Variants in PTPN9 observed in about 807,000 individuals in gnomAD.
The protein encoded by PTPN9 is protein tyrosine phosphatase non-receptor type 9, also known as tyrosine-protein phosphatase non-receptor type 9.
PTPN9 carries 26 observed loss-of-function variants against 69.8 expected under a neutral mutation model. The observed-to-expected ratio is 0.37, with a 90% CI of 0.27 to 0.52. The LOEUF is 0.52. PTPN9 is among the 20% of genes least tolerant of loss of function. The probability of loss-of-function intolerance (pLI) is 0.91; values close to 1 mark genes in which losing one functional copy is unlikely to be tolerated. For synonymous variants in PTPN9, 274 were observed against 272.5 expected (o/e 1.01, Z -0.05); for missense variants, 549 against 740.3 (o/e 0.74, Z 3.00).
In PTPN9 at chr15:75,536,912, G is replaced by A. The variant is rs145052647; in HGVS notation, c.64-9651C>T. ...ATCTATTTTATTCACCTAGTTCCTA[G>A]CACTGTGCCTGGCACAAAGCACTTA... On this transcript the variant is annotated intron_variant, in intron 1 of 12. Transcript: ENST00000618819. Among the ~76,000 whole-genome samples the A allele has an allele frequency of 2.0e-5, 3 of 152,294 alleles. No individual in the cohort carries two copies. The East Asian group carries it at 5.8e-4, about 29-fold the overall frequency.
chr15:75,493,770 A>G (rs1417452103), intron 7 of PTPN9, among the ~76,000 whole-genome samples: 3 of 152,236 alleles, frequency 2.0e-5, no homozygotes, highest in African/African-American at 4.8e-5. Flanking sequence ...CATTAAAAAA[A>G]AAAGAAAGAA....
chr15:75,479,168 G>A lies in PTPN9; in HGVS notation c.1129+680C>T, dbSNP rs543402899. On this transcript the variant is annotated intron_variant, in intron 9 of 12. Coordinates refer to ENST00000618819, the MANE Select transcript of PTPN9 (RefSeq NM_002833.4). ...CTAAAAATACAAAAATTAGCCGGGC[G>A]TGGTGGCACACACCTGTAGTCCCAG... Among the ~76,000 whole-genome samples the A allele has an allele frequency of 2.1e-4, 32 of 152,288 alleles. No individual in the cohort carries two copies. The South Asian group carries it at 5.8e-3, about 28-fold the overall frequency.
At chr15:75,553,367 A>T (rs1293269239) in intron 1 of PTPN9, among the ~76,000 whole-genome samples, 2 of 152,186 alleles carry the variant, frequency 1.3e-5, no homozygotes, top group African/African-American at 4.8e-5. Context: ...GTCCAAAACA[A>T]GGAGTCCTAT....
chr15:75,486,388 C>G (rs1567474182), intron 8 of PTPN9, among the ~76,000 whole-genome samples: 1 of 152,106 alleles, frequency 6.6e-6, no homozygotes. Flanking sequence ...GAAGTGCTCC[C>G]TCACCCCTTC....
At chr15:75,487,743 G>T (rs568425203) in intron 8 of PTPN9, 1 of 152,202 alleles carries the variant, frequency 6.6e-6, no homozygotes, top group African/African-American at 2.4e-5. Flanking sequence ...TCTTCTCCAA[G>T]GGTCCTGGAT....
chr15:75,517,058 T>C (rs2074874185), intron 5 of PTPN9, among the ~76,000 whole-genome samples: 1 of 152,198 alleles, frequency 6.6e-6, no homozygotes, highest in African/African-American at 2.4e-5. Context: ...TGTGCATTTT[T>C]TACCCGAATT....
intron 1 of PTPN9, among the ~76,000 whole-genome samples, chr15:75,537,600 A>G (rs2074988825): frequency 6.9e-6 from 1 of 145,012 alleles, no homozygotes; most frequent in Admixed American, 6.9e-5. Context: ...TAAAAATGCA[A>G]AAAACTTAGC....
intron 10 of PTPN9, among the ~76,000 whole-genome samples, chr15:75,472,703 C>A (rs1395987480): frequency 6.7e-6 from 1 of 148,874 alleles, no homozygotes; most frequent in South Asian, 2.1e-4. Flanking sequence ...CACTTGAACC[C>A]AGGAGGCAAG....
chr15:75,546,507 G>A (rs2075033691), intron 1 of PTPN9, among the ~76,000 whole-genome samples: 1 of 152,052 alleles, frequency 6.6e-6, no homozygotes, highest in Non-Finnish European at 1.5e-5. Flanking sequence ...GCCAGGCATG[G>A]TGGCACATGC....
intron 5 of PTPN9, among the ~76,000 whole-genome samples, chr15:75,511,143 TG>T (rs1309344145): frequency 3.4e-4 from 52 of 152,334 alleles, no homozygotes; most frequent in African/African-American, 1.1e-3. Context: ...TGTTTCCACT[TG>T]TACACATTGG....
rs527651620 is a variant in PTPN9, at chr15:75,491,415, A to AT, written c.969-1115_969-1114insA. Among the ~76,000 whole-genome samples, 879 of 151,674 alleles carry AT rather than the reference A, an allele frequency of 5.8e-3. 20 individuals are homozygous for AT. The highest frequency in any genetic ancestry group is 0.049 in the East Asian group (252 of 5,166). The stretch of plus-strand genomic sequence containing the variant: ...AAGACTTTATCTCAAAAAAAAAAAA[A>AT]AATAATTAAATTTAAAAACAGAGAG... On this transcript the variant is annotated intron_variant, in intron 7 of 12. Coordinates refer to ENST00000618819, the MANE Select transcript of PTPN9 (RefSeq NM_002833.4).
chr15:75,524,777 C>CAAAAAA (rs10699634), intron 2 of PTPN9, among the ~76,000 whole-genome samples: 5 of 72,920 alleles, frequency 6.9e-5, no homozygotes, highest in Non-Finnish European at 8.9e-5. Flanking sequence ...GACTCTGTCT[C>CAAAAAA]AAAAAAAAAA....
chr15:75,480,002 G>T, intron 8 of PTPN9, 88 bp from the exon 9 acceptor site: 2 of 877,860 alleles, frequency 2.3e-6, no homozygotes, highest in Non-Finnish European at 3.5e-6. Flanking sequence ...AAAACCCAAG[G>T]TGTGAATATT....
chr15:75,528,236 T>G (rs1248816693), intron 1 of PTPN9, among the ~76,000 whole-genome samples: 1 of 152,060 alleles, frequency 6.6e-6, no homozygotes, highest in Non-Finnish European at 1.5e-5. Flanking sequence ...GCTGGCAAGA[T>G]GCCTGCTTCC....
chr15:75,504,515 G>GT (rs2074803459), intron 7 of PTPN9, among the ~76,000 whole-genome samples: 1 of 139,016 alleles, frequency 7.2e-6, no homozygotes, highest in Admixed American at 6.9e-5. Context: ...GGGAGGTGGG[G>GT]GGGGTCAGCC....
chr15:75,547,729 A>C (rs1354364392), intron 1 of PTPN9, among the ~76,000 whole-genome samples: 1 of 150,806 alleles, frequency 6.6e-6, no homozygotes, highest in Non-Finnish European at 1.5e-5. Flanking sequence ...GCAGTGACTC[A>C]ATCTTGGCTC....
intron 1 of PTPN9, among the ~76,000 whole-genome samples, chr15:75,569,576 G>A (rs2075139881): frequency 6.6e-6 from 1 of 150,686 alleles, no homozygotes; most frequent in Non-Finnish European, 1.5e-5. Context: ...GTGGTGGCGG[G>A]CACCTGTAAT....
chr15:75,477,765 C>A (rs1227737393), intron 9 of PTPN9, among the ~76,000 whole-genome samples: 2 of 151,390 alleles, frequency 1.3e-5, no homozygotes, highest in Non-Finnish European at 2.9e-5. Flanking sequence ...TAAAAAAAAT[C>A]TCCAATTGTC....
chr15:75,576,248 C>A (rs1481369697), intron 1 of PTPN9, among the ~76,000 whole-genome samples: 1 of 149,014 alleles, frequency 6.7e-6, no homozygotes, highest in Admixed American at 6.7e-5. Context: ...AAGGGTACTT[C>A]TGGCTGTGTG....
Sources: gnomAD v4.1 joint callset for allele counts (sites outside exome capture counted in the v4.1 genomes callset) on GRCh38, gnomAD v4.1.1 for gene constraint, MANE v1.5 for transcripts, NCBI Gene and HGNC (gene_info 2026-07-23, HGNC 2026-07-21) for gene names.